Variants in TRIP12 observed in about 807,000 individuals in gnomAD.
The protein encoded by TRIP12 is E3 ubiquitin-protein ligase TRIP12.
A neutral mutation model predicts 244.2 loss-of-function variants in TRIP12; 25 were observed. The ratio of observed to expected loss-of-function variants is 0.10; its 90% CI spans 0.07 to 0.14. TRIP12 has a LOEUF of 0.14. Ranked by LOEUF, TRIP12 falls within the 10% of genes least tolerant of loss-of-function variation. The probability of loss-of-function intolerance (pLI) is 1.00; values close to 1 mark genes in which losing one functional copy is unlikely to be tolerated. For missense variants in TRIP12, 1,677 were observed against 2,486.4 expected (o/e 0.67, Z 6.92); for synonymous variants, 905 against 873.1 (o/e 1.04, Z -0.64).
At position 229,819,643 on chromosome 2, in the gene TRIP12, T is replaced by C. The variant is rs78231457; in HGVS notation, c.1451-1131A>G. ...AAACCACAATTAATTAAATTAACAC[T>C]TAACCAATCTTATATGATGTTACTT... is the stretch of plus-strand genomic sequence containing the variant. On this transcript the variant is annotated intron_variant, in intron 8 of 41. Transcript: ENST00000675903. Among the ~76,000 whole-genome samples, 961 of 152,356 alleles carry C rather than the reference T, an allele frequency of 6.3e-3. 8 individuals are homozygous for C. The highest frequency in any genetic ancestry group is 0.022 in the African/African-American group (931 of 41,598).
intron 9 of TRIP12, among the ~76,000 whole-genome samples, chr2:229,817,688 G>C (rs113188613): frequency 7.2e-5 from 11 of 152,242 alleles, no homozygotes; most frequent in African/African-American, 2.4e-4. Context: ...CTGCCTTCCA[G>C]GTTCAAGTGA....
rs557299227 is a variant in TRIP12 at position 229,867,108 on chromosome 2, T to G, written c.99-6577A>C. The stretch of plus-strand genomic sequence containing the variant: ...CACACACATAGAGGGTTTTTTTTTT[T>G]GTTTTTTTTTTTAAGTGTAGGCTAT... On this transcript the variant is annotated intron_variant, in intron 2 of 41. Coordinates refer to ENST00000675903, the MANE Select transcript of TRIP12 (RefSeq NM_001348323.3). 8.3e-5 allele frequency among the ~76,000 whole-genome samples: 12 copies of G among 144,712 alleles called. No individual in the cohort carries two copies. The East Asian group carries it at 1.8e-3, about 21-fold the overall frequency. 94.9% of individuals were successfully genotyped at this position (144,712 alleles called of 152,430 possible).
intron 38 of TRIP12, 67 bp from the exon 39 acceptor site, chr2:229,771,699 C>T: frequency 8.4e-7 from 1 of 1,196,012 alleles, no homozygotes; most frequent in Non-Finnish European, 1.2e-6. Context: ...TAATATGTGG[C>T]AAAGTACAGT....
intron 17 of TRIP12, chr2:229,807,269 T>C (rs762672970): frequency 1.6e-4 from 30 of 186,646 alleles, no homozygotes; most frequent in Non-Finnish European, 3.0e-4. Flanking sequence ...TGTATCACAA[T>C]TTACTTAACT....
intron 32 of TRIP12, among the ~76,000 whole-genome samples, chr2:229,787,938 G>A (rs56042749): frequency 2.0e-5 from 3 of 152,206 alleles, no homozygotes; most frequent in Admixed American, 1.3e-4. Context: ...AAGTAGCTGG[G>A]ATTACAGGCT....
chr2:229,883,566 A>G (rs1452184374), intron 1 of TRIP12, among the ~76,000 whole-genome samples: 2 of 152,152 alleles, frequency 1.3e-5, no homozygotes, highest in Non-Finnish European at 2.9e-5. Context: ...CCTGAAATAC[A>G]CTAGTCTTTT....
At chr2:229,802,899 A>C (rs2044764301) in intron 20 of TRIP12, among the ~76,000 whole-genome samples, 1 of 152,180 alleles carries the variant, frequency 6.6e-6, no homozygotes, top group South Asian at 2.1e-4. Context: ...CCAAAAAAAA[A>C]ACCAGCTATT....
At chr2:229,805,194 C>T (rs2045546348) in intron 18 of TRIP12, among the ~76,000 whole-genome samples, 1 of 136,140 alleles carries the variant, frequency 7.3e-6, no homozygotes, top group East Asian at 2.2e-4. Context: ...CGTGAGACAC[C>T]ATGCCCAGCA....
At chr2:229,905,111 C>A (rs1230611402) in intron 1 of TRIP12, among the ~76,000 whole-genome samples, 1 of 152,100 alleles carries the variant, frequency 6.6e-6, no homozygotes, top group East Asian at 1.9e-4. Context: ...CCCGTCTCTA[C>A]TAAAAATACA....
chr2:229,832,086 C>A (rs1286559512), intron 6 of TRIP12, among the ~76,000 whole-genome samples: 1 of 152,046 alleles, frequency 6.6e-6, no homozygotes, highest in African/African-American at 2.4e-5. Flanking sequence ...ATACCAGCCA[C>A]TGACTGTATT....
intron 4 of TRIP12, among the ~76,000 whole-genome samples, chr2:229,842,945 T>C (rs2056797744): frequency 6.6e-6 from 1 of 152,188 alleles, no homozygotes; most frequent in Admixed American, 6.5e-5. Flanking sequence ...GTTTGACAAA[T>C]GTATTTACCC....
intron 1 of TRIP12, among the ~76,000 whole-genome samples, chr2:229,909,358 C>A (rs2073776175): frequency 1.3e-5 from 2 of 150,576 alleles, no homozygotes; most frequent in South Asian, 2.1e-4. Flanking sequence ...CCAGCCTGGG[C>A]AACATAGGGA....
intron 23 of TRIP12, 48 bp downstream of exon 23, chr2:229,798,827 T>C: frequency 6.3e-7 from 1 of 1,593,902 alleles, no homozygotes; most frequent in Non-Finnish European, 8.6e-7. Context: ...AATGTTTAAG[T>C]TTTTCTGATA....
intron 1 of TRIP12, among the ~76,000 whole-genome samples, chr2:229,885,191 A>G (rs2065759570): frequency 6.6e-6 from 1 of 152,182 alleles, no homozygotes; most frequent in African/African-American, 2.4e-5. Flanking sequence ...ACATGTTGCT[A>G]TGTTTGCAAC....
intron 1 of TRIP12, among the ~76,000 whole-genome samples, chr2:229,887,410 C>A (rs756441177): frequency 1.3e-5 from 2 of 151,046 alleles, no homozygotes; most frequent in Non-Finnish European, 2.9e-5. Flanking sequence ...TGGAGTGGTT[C>A]CTTGAGCCTG....
At chr2:229,775,145 G>A (rs2035818068) in intron 37 of TRIP12, among the ~76,000 whole-genome samples, 1 of 152,106 alleles carries the variant, frequency 6.6e-6, no homozygotes, top group Non-Finnish European at 1.5e-5. Context: ...CAGTTAGAAT[G>A]TTCTGATTAA....
At chr2:229,891,685 G>A (rs971149742) in intron 1 of TRIP12, among the ~76,000 whole-genome samples, 3 of 152,168 alleles carry the variant, frequency 2.0e-5, no homozygotes, top group African/African-American at 7.2e-5. Context: ...AGCTAGGTTT[G>A]ACAACTGTGA....
intron 17 of TRIP12, 145 bp downstream of exon 17, chr2:229,807,563 C>T: frequency 9.6e-7 from 1 of 1,041,566 alleles, no homozygotes; most frequent in Non-Finnish European, 1.5e-6. Flanking sequence ...AAATGAGGAC[C>T]TTGTTCTCAG....
At chr2:229,795,104 C>T (rs1434214557) in intron 26 of TRIP12, 75 bp downstream of exon 26, 3 of 1,532,382 alleles carry the variant, frequency 2.0e-6, no homozygotes, top group Non-Finnish European at 2.6e-6. Context: ...TTTACCAGAC[C>T]TCTTGCCATC....
Sources: allele counts gnomAD v4.1 joint callset (sites outside exome capture counted in the v4.1 genomes callset), GRCh38; gene constraint gnomAD v4.1.1; transcripts MANE v1.5; gene names NCBI Gene and HGNC (gene_info 2026-07-23, HGNC 2026-07-21).